The following WDR49 variants were observed in gnomAD, a reference collection of about 807,000 sequenced individuals.
WDR49 encodes the protein WD repeat domain 49.
In WDR49, 107 loss-of-function variants were observed where a neutral mutation model predicts 119.5. The observed-to-expected ratio is 0.90, with a 90% CI of 0.77 to 1.05. WDR49 has a LOEUF of 1.05. Ranked by LOEUF, WDR49 falls within the 50% of genes least tolerant of loss-of-function variation. The pLI is 0.00. For synonymous variants in WDR49, 425 were observed against 418.8 expected (o/e 1.01, Z -0.18); for missense variants, 1,240 against 1,220.5 (o/e 1.02, Z -0.24).
chr3:167,602,908 T>C (rs1715852188), intron 6 of WDR49, among the ~76,000 whole-genome samples: 1 of 152,138 alleles, frequency 6.6e-6, no homozygotes, highest in South Asian at 2.1e-4. Flanking sequence ...TCTCATGCTA[T>C]AGAAGTTTGT....
chr3:167,515,241 A>C lies in WDR49; in HGVS notation c.2774+7074T>G, dbSNP rs575765261. Among the ~76,000 whole-genome samples the C allele has an allele frequency of 3.8e-4, 58 of 152,340 alleles. No individual in the cohort carries two copies. The South Asian group carries it at 0.012, about 30-fold the overall frequency. ...AACATTGATGCAAAAATCCTCAATA[A>C]AATACTTGCAAACCAAATTCTGCAG... On this transcript the variant is annotated intron_variant, in intron 16 of 18. Coordinates refer to ENST00000682715, the MANE Select transcript of WDR49 (RefSeq NM_001366157.1).
chr3:167,522,265 G>A (rs377159424), intron 16 of WDR49, 50 bp downstream of exon 16: 7 of 1,491,912 alleles, frequency 4.7e-6, no homozygotes, highest in Non-Finnish European at 6.2e-6. Context: ...TCTTATCTAT[G>A]TCTTATCTAG....
At chr3:167,550,032 T>C (rs1712456181) in intron 10 of WDR49, among the ~76,000 whole-genome samples, 1 of 152,174 alleles carries the variant, frequency 6.6e-6, no homozygotes, top group Non-Finnish European at 1.5e-5. Context: ...CTGAGGGCTC[T>C]ATTCTGTCCC....
intron 12 of WDR49, 113 bp downstream of exon 12, chr3:167,532,766 T>G: frequency 1.5e-6 from 1 of 680,330 alleles, no homozygotes; most frequent in South Asian, 2.2e-5. Context: ...TCCTTCAGGC[T>G]TATAGCCAAT....
chr3:167,540,339 A>T (rs1711737144), intron 10 of WDR49, among the ~76,000 whole-genome samples: 1 of 152,128 alleles, frequency 6.6e-6, no homozygotes, highest in Non-Finnish European at 1.5e-5. Context: ...TGGCTGAAAC[A>T]CCTAAAGATG....
chr3:167,579,343 A>G (rs1051390500), intron 7 of WDR49, among the ~76,000 whole-genome samples: 1 of 152,156 alleles, frequency 6.6e-6, no homozygotes, highest in African/African-American at 2.4e-5. Flanking sequence ...CCAAGAATAC[A>G]ACACTCCCAC....
chr3:167,502,103 G>T (rs1254305170), intron 17 of WDR49, among the ~76,000 whole-genome samples: 1 of 152,092 alleles, frequency 6.6e-6, no homozygotes, highest in Non-Finnish European at 1.5e-5. Context: ...TAGTGAGTGG[G>T]TTCTCACAAG....
chr3:167,515,086 T>A (rs1752148880), intron 16 of WDR49, among the ~76,000 whole-genome samples: 1 of 152,178 alleles, frequency 6.6e-6, no homozygotes, highest in Non-Finnish European at 1.5e-5. Flanking sequence ...CTTCTGAAAC[T>A]ATTCCAAAAA....
chr3:167,577,204 A>G lies in WDR49; in HGVS notation c.1276-1053T>C, dbSNP rs76157883. ...CTTCTATTTTCTCATGGCTCCCTTC[A>G]TTTCAAAGAGGGTGAGTCACACTAA... On this transcript the variant is annotated intron_variant, in intron 7 of 18. Transcript: ENST00000682715. 1.7e-3 allele frequency among the ~76,000 whole-genome samples: 258 copies of G among 152,210 alleles called. 2 individuals carry two copies. The highest frequency in any genetic ancestry group is 8.9e-3 in the East Asian group (46 of 5,180).
At chr3:167,609,039 C>G (rs1716201919) in intron 5 of WDR49, among the ~76,000 whole-genome samples, 1 of 151,984 alleles carries the variant, frequency 6.6e-6, no homozygotes, top group South Asian at 2.1e-4. Flanking sequence ...AAAAGTGATA[C>G]CTAAAAACTA....
At chr3:167,540,733 AG>A (rs149179238) in intron 10 of WDR49, among the ~76,000 whole-genome samples, 40,135 of 151,996 alleles carry the variant, frequency 0.26, 5,539 homozygotes, top group South Asian at 0.31. Context: ...ACAATTCAGA[AG>A]GCAGATTATT....
Position 167,570,229 on chromosome 3 carries a change from T to C in WDR49, c.1509+5689A>G, listed in dbSNP as rs567697821. On this transcript the variant is annotated intron_variant, in intron 8 of 18. Transcript: ENST00000682715. ...TGGTTCTGTTCAAAAAAGAAACTCA[T>C]GGATTTTGCACTAAATGTAAGCCCT... 3.3e-5 allele frequency among the ~76,000 whole-genome samples: 5 copies of C among 152,258 alleles called. No homozygotes were observed. In the Middle Eastern group the frequency reaches 0.014, roughly 414 times the overall value.
At chr3:167,657,341 C>CA (rs377471319), upstream of WDR49, among the ~76,000 whole-genome samples, 1 of 151,866 alleles carries the variant, frequency 6.6e-6, no homozygotes, top group African/African-American at 2.4e-5. Context: ...AGAAATGGTC[C>CA]AAAAAAGCTT....
At chr3:167,552,915 TA>T (rs1037964535) in intron 10 of WDR49, among the ~76,000 whole-genome samples, 9 of 152,106 alleles carry the variant, frequency 5.9e-5, no homozygotes, top group African/African-American at 1.9e-4. Context: ...CAACTTAACC[TA>T]ATGGACTCTA....
intron 2 of WDR49, among the ~76,000 whole-genome samples, chr3:167,639,772 A>G (rs2108338835): frequency 6.6e-6 from 1 of 151,820 alleles, no homozygotes; most frequent in South Asian, 2.1e-4. Context: ...AACTTCAACC[A>G]ATCTCTGGTA....
intron 16 of WDR49, among the ~76,000 whole-genome samples, chr3:167,509,238 G>A (rs775323957): frequency 6.6e-6 from 1 of 152,140 alleles, no homozygotes; most frequent in African/African-American, 2.4e-5. Context: ...TCTAGAATAA[G>A]AATGAAGATC....
At chr3:167,493,836 C>T (rs1039290594) in intron 18 of WDR49, among the ~76,000 whole-genome samples, 2 of 152,154 alleles carry the variant, frequency 1.3e-5, no homozygotes, top group South Asian at 2.1e-4. Flanking sequence ...GTCCCATAGG[C>T]ACCTCCATCT....
intron 2 of WDR49, among the ~76,000 whole-genome samples, chr3:167,635,518 A>G (rs563076963): frequency 6.6e-6 from 1 of 151,876 alleles, no homozygotes; most frequent in African/African-American, 2.4e-5. Context: ...TCTTTCCAAT[A>G]GCATACTTCA....
intron 15 of WDR49, among the ~76,000 whole-genome samples, chr3:167,526,126 C>T (rs1460545693): frequency 6.6e-6 from 1 of 152,098 alleles, no homozygotes; most frequent in East Asian, 1.9e-4. Flanking sequence ...TCTGATGACT[C>T]TTCTCCTGTC....
Sources: gnomAD v4.1 joint callset for allele counts (sites outside exome capture counted in the v4.1 genomes callset) on GRCh38, gnomAD v4.1.1 for gene constraint, MANE v1.5 for transcripts, NCBI Gene and HGNC (gene_info 2026-07-23, HGNC 2026-07-21) for gene names.